Variants in HFM1 observed in about 807,000 individuals in gnomAD.
HFM1 encodes helicase for meiosis 1.
In HFM1, 169 loss-of-function variants were observed where a neutral mutation model predicts 192.1. The observed-to-expected ratio is 0.88, with a 90% confidence interval of 0.78 to 1.00. HFM1 has a LOEUF of 1.00. Among genes scored for constraint, HFM1 ranks in the 50% least tolerant of loss-of-function variants. HFM1 has a pLI of 0.00. For synonymous variants in HFM1, 525 were observed against 537.8 expected, an observed-to-expected ratio of 0.98 and a Z score of 0.33; for missense variants, 1,661 against 1,668.0, an observed-to-expected ratio of 1.00 and a Z score of 0.07.
At chr1:91,264,970 T>C (rs1665608353) in intron 36 of HFM1, among the ~76,000 whole-genome samples, 1 of 152,180 alleles carries the variant, frequency 6.6e-6, no homozygotes, top group Admixed American at 6.6e-5. Flanking sequence ...TCCTATCAAT[T>C]GCCACACTGA....
At chr1:91,289,934 A>T (rs1283319028) in intron 30 of HFM1, among the ~76,000 whole-genome samples, 1 of 152,180 alleles carries the variant, frequency 6.6e-6, no homozygotes, top group African/African-American at 2.4e-5. Context: ...CCAGAATTTC[A>T]TATCCAGCCA....
chr1:91,262,649 T>G, intron 36 of HFM1, 57 bp from the exon 37 acceptor site: 1 of 996,910 alleles, frequency 1.0e-6, no homozygotes, highest in Non-Finnish European at 1.5e-6. Context: ...ACCATTTTAA[T>G]TTGGATCATA....
At chr1:91,290,296 C>T (rs1295972731) in intron 30 of HFM1, among the ~76,000 whole-genome samples, 2 of 152,138 alleles carry the variant, frequency 1.3e-5, no homozygotes, top group Non-Finnish European at 2.9e-5. Flanking sequence ...GTGCTGTATT[C>T]AGGAAACCCA....
chr1:91,303,965 C>T (rs1327432721), intron 30 of HFM1, among the ~76,000 whole-genome samples: 3 of 152,138 alleles, frequency 2.0e-5, no homozygotes, highest in Non-Finnish European at 1.5e-5. Flanking sequence ...TCCACCTCAC[C>T]TTCCACTCAA....
chr1:91,390,525 A>G (rs377709826), intron 4 of HFM1, among the ~76,000 whole-genome samples: 12 of 152,250 alleles, frequency 7.9e-5, no homozygotes, highest in African/African-American at 2.9e-4. Flanking sequence ...ATAACACAAC[A>G]TGCATGAACC....
At chr1:91,366,629 A>G (rs1037384496) in intron 13 of HFM1, among the ~76,000 whole-genome samples, 5 of 152,208 alleles carry the variant, frequency 3.3e-5, no homozygotes, top group East Asian at 1.9e-4. Flanking sequence ...TAGAAAATTA[A>G]TAAGAGGTGG....
chr1:91,319,529 A>G, intron 23 of HFM1, 139 bp from the exon 24 acceptor site: 1 of 547,250 alleles, frequency 1.8e-6, no homozygotes, highest in Non-Finnish European at 3.2e-6. Context: ...ATCTTGCATA[A>G]TTATTATTGC....
intron 7 of HFM1, 116 bp downstream of exon 7, chr1:91,380,796 T>C (rs748649489): frequency 7.7e-6 from 5 of 646,320 alleles, no homozygotes; most frequent in Non-Finnish European, 1.4e-5. Context: ...CTAAATGTGC[T>C]AGACATGGAG....
intron 13 of HFM1, among the ~76,000 whole-genome samples, chr1:91,373,213 T>C (rs2101943785): frequency 6.6e-6 from 1 of 151,586 alleles, no homozygotes; most frequent in East Asian, 1.9e-4. Context: ...ATATCTTTGG[T>C]TGACAAGCAA....
rs1172349730 is a variant in HFM1, at chr1:91,329,605, G to A, written c.2336-4839C>T. 4.3e-6 allele frequency: 4 copies of A among 936,306 alleles called. No individual in the cohort carries two copies. In the African/African-American group the frequency reaches 5.0e-5, roughly 12 times the overall value. The allele number at this position is 936,306 out of a possible 1,614,324, so 58.0% of individuals were successfully genotyped here. A position where few individuals can be genotyped will look rare whatever the true frequency, so the allele number is the denominator to read the frequency against. Reference sequence around the variant, plus strand: ...GCTACAGCTAGAGAAACCTTCACAGGGGTGGAGAGAGCATTCTAAGGTTTT... The same window carrying A: ...GCTACAGCTAGAGAAACCTTCACAGAGGTGGAGAGAGCATTCTAAGGTTTT... On this transcript the variant is annotated intron_variant, in intron 20 of 38. Transcript: ENST00000370425.
At chr1:91,297,925 A>C (rs779051339) in intron 30 of HFM1, among the ~76,000 whole-genome samples, 10 of 152,228 alleles carry the variant, frequency 6.6e-5, no homozygotes, top group Non-Finnish European at 1.3e-4. Context: ...CCAGCAACGG[A>C]ACAAAGCTGG....
intron 2 of HFM1, among the ~76,000 whole-genome samples, chr1:91,400,267 G>A (rs1664151701): frequency 1.3e-5 from 2 of 151,992 alleles, no homozygotes; most frequent in South Asian, 4.2e-4. Context: ...GTTTTCTTTG[G>A]TCTCACATCT....
intron 20 of HFM1, chr1:91,329,234 T>G: frequency 6.2e-7 from 1 of 1,609,712 alleles, no homozygotes; most frequent in Non-Finnish European, 8.5e-7. Context: ...TCTTGGAACC[T>G]GAGGTGCTGG....
chr1:91,365,966 C>A, intron 13 of HFM1, among the ~76,000 whole-genome samples: 1 of 58,028 alleles, frequency 1.7e-5, no homozygotes, highest in African/African-American at 1.3e-4. Context: ...CGGTATGTTC[C>A]TGAAAAAAAA....
intron 30 of HFM1, among the ~76,000 whole-genome samples, chr1:91,292,608 A>G (rs1385186362): frequency 6.6e-6 from 1 of 152,058 alleles, no homozygotes; most frequent in African/African-American, 2.4e-5. Flanking sequence ...AATCAATATC[A>G]TGAAAATGGC....
chr1:91,302,480 A>G (rs186876775), intron 30 of HFM1, among the ~76,000 whole-genome samples: 3 of 152,298 alleles, frequency 2.0e-5, no homozygotes, highest in African/African-American at 7.2e-5. Flanking sequence ...AGACACATGC[A>G]CACGTATGTT....
chr1:91,281,828 G>A (rs1230415359), intron 30 of HFM1, among the ~76,000 whole-genome samples: 5 of 152,302 alleles, frequency 3.3e-5, no homozygotes, highest in South Asian at 2.1e-4. Context: ...TTGGGCGCAC[G>A]CACTCCTGCC....
intron 13 of HFM1, among the ~76,000 whole-genome samples, chr1:91,353,696 C>A: frequency 6.8e-6 from 1 of 147,002 alleles, no homozygotes. Flanking sequence ...CATAGTGTTT[C>A]CAGTGCTCTG....
intron 34 of HFM1, among the ~76,000 whole-genome samples, chr1:91,272,933 G>A (rs986485276): frequency 6.6e-6 from 1 of 151,958 alleles, no homozygotes; most frequent in African/African-American, 2.4e-5. Flanking sequence ...ATGATTTTCA[G>A]AAAACCCCAA....
Sources: allele counts gnomAD v4.1 joint callset (sites outside exome capture counted in the v4.1 genomes callset), GRCh38; gene constraint gnomAD v4.1.1; transcripts MANE v1.5; gene names NCBI Gene and HGNC (gene_info 2026-07-23, HGNC 2026-07-21).